Variants in ASAP2 observed in about 807,000 individuals in gnomAD.
ASAP2 encodes arf-GAP with SH3 domain, ANK repeat and PH domain-containing protein 2.
A neutral mutation model predicts 131.4 loss-of-function variants in ASAP2; 45 were observed. The ratio of observed to expected loss-of-function variants is 0.34; its 90% CI spans 0.27 to 0.44. The LOEUF is 0.44. ASAP2 is among the 20% of genes least tolerant of loss of function. The pLI is 1.00. For missense variants in ASAP2, 1,011 were observed against 1,297.0 expected (o/e 0.78, Z 3.39); for synonymous variants, 510 against 503.0 (o/e 1.01, Z -0.19).
chr2:9,283,074 T>C (rs547837168), intron 2 of ASAP2, among the ~76,000 whole-genome samples: 62 of 113,908 alleles, frequency 5.4e-4, no homozygotes, highest in Admixed American at 2.2e-3. Context: ...AATAGATTCT[T>C]TTTTTTTTCC....
intron 22 of ASAP2, 130 bp downstream of exon 22, chr2:9,388,676 C>G: frequency 7.5e-7 from 1 of 1,325,976 alleles, no homozygotes; most frequent in Non-Finnish European, 1.0e-6. Context: ...TTTCTGTTTG[C>G]TTCCTAAAGG....
chr2:9,248,707 C>G (rs1664503865), intron 1 of ASAP2, among the ~76,000 whole-genome samples: 1 of 152,122 alleles, frequency 6.6e-6, no homozygotes, highest in Non-Finnish European at 1.5e-5. Flanking sequence ...AACTTTCACT[C>G]CTATCTACCA....
At chr2:9,219,286 A>G (rs145166855) in intron 1 of ASAP2, among the ~76,000 whole-genome samples, 125 of 152,234 alleles carry the variant, frequency 8.2e-4, no homozygotes, top group Admixed American at 5.8e-3. Context: ...TGATTTTCAC[A>G]TTTGCCCTGT....
At chr2:9,352,212 AACACACACACACAC>A (rs58275721) in intron 12 of ASAP2, among the ~76,000 whole-genome samples, 43,265 of 149,610 alleles carry the variant, frequency 0.29, 6,445 homozygotes, top group Middle Eastern at 0.34. Flanking sequence ...AACACACACA[AACACACACACACAC>A]ACACACACAC....
intron 2 of ASAP2, among the ~76,000 whole-genome samples, chr2:9,284,476 T>G (rs1020703382): frequency 2.0e-5 from 3 of 152,310 alleles, no homozygotes; most frequent in South Asian, 2.1e-4. Flanking sequence ...CCAAGAACCC[T>G]TGATTAAAAG....
chr2:9,382,223 A>G (rs917702504), intron 20 of ASAP2, among the ~76,000 whole-genome samples: 7 of 152,022 alleles, frequency 4.6e-5, no homozygotes, highest in African/African-American at 7.2e-5. Context: ...ACCTCAAGCA[A>G]TCCACCCGCC....
chr2:9,373,910 C>T (rs967339048), intron 16 of ASAP2, among the ~76,000 whole-genome samples: 1 of 152,224 alleles, frequency 6.6e-6, no homozygotes, highest in Non-Finnish European at 1.5e-5. Flanking sequence ...CTTGTAAGTT[C>T]ACTGGGTCTT....
At chr2:9,283,598 A>T (rs1667271675) in intron 2 of ASAP2, among the ~76,000 whole-genome samples, 1 of 152,138 alleles carries the variant, frequency 6.6e-6, no homozygotes, top group South Asian at 2.1e-4. Context: ...TGTCTTTCTC[A>T]CACTGCATTG....
At chr2:9,352,849 G>T (rs972788795) in intron 12 of ASAP2, among the ~76,000 whole-genome samples, 1 of 152,208 alleles carries the variant, frequency 6.6e-6, no homozygotes, top group African/African-American at 2.4e-5. Context: ...CCAGTTGGGG[G>T]CAGTGTCGTG....
intron 2 of ASAP2, among the ~76,000 whole-genome samples, chr2:9,292,160 A>G (rs1405922326): frequency 1.3e-5 from 2 of 152,152 alleles, no homozygotes; most frequent in Non-Finnish European, 2.9e-5. Context: ...TGAGTATAGC[A>G]GCCCTGAGGA....
intron 19 of ASAP2, among the ~76,000 whole-genome samples, chr2:9,379,492 C>T (rs1300161876): frequency 6.6e-6 from 1 of 152,136 alleles, no homozygotes; most frequent in Non-Finnish European, 1.5e-5. Flanking sequence ...TCATTTGCAC[C>T]ACTGCTTCCT....
chr2:9,254,254 T>C (rs189225827), intron 1 of ASAP2, among the ~76,000 whole-genome samples: 3,662 of 65,464 alleles, frequency 0.056, 416 homozygotes, highest in African/African-American at 0.1. Flanking sequence ...TATATATATA[T>C]ACACGTGTGT....
chr2:9,262,340 T>G (rs1161336424), intron 1 of ASAP2, among the ~76,000 whole-genome samples: 1 of 152,218 alleles, frequency 6.6e-6, no homozygotes, highest in East Asian at 1.9e-4. Context: ...ACGGCCACTT[T>G]AATTGGCGTA....
chr2:9,217,830 G>A lies in ASAP2; in HGVS notation c.126+10600G>A, dbSNP rs190931369. On this transcript the variant is annotated intron_variant, in intron 1 of 27. Transcript: ENST00000281419. This position sits in a 1 kb window ranked among gnomAD's most constrained non-coding sequence, Gnocchi z 4.0. ...GGGGTTTCACTGTGTTAGCCAGGATGGTCTTGATCTCCTGACCTCGTGAGG... is the reference window on the plus strand; with the variant it reads ...GGGGTTTCACTGTGTTAGCCAGGATAGTCTTGATCTCCTGACCTCGTGAGG... Among the ~76,000 whole-genome samples, 905 of 151,662 alleles carry A rather than the reference G, an allele frequency of 6.0e-3. 8 individuals carry two copies. Among genetic ancestry groups the A allele is most frequent in the African/African-American group, 0.021 (862 of 41,372 alleles).
chr2:9,309,716 T>TTCCCA (rs1669170989), intron 3 of ASAP2, among the ~76,000 whole-genome samples: 1 of 152,214 alleles, frequency 6.6e-6, no homozygotes, highest in African/African-American at 2.4e-5. Context: ...TAGAACTGTT[T>TTCCCA]GCGTTGATGG....
chr2:9,299,163 C>T (rs188076727), intron 3 of ASAP2, among the ~76,000 whole-genome samples: 4 of 152,204 alleles, frequency 2.6e-5, no homozygotes, highest in East Asian at 3.9e-4. Context: ...AAAAATGGAA[C>T]GGAAGAGTCT....
chr2:9,331,253 G>A (rs936580802), intron 7 of ASAP2, among the ~76,000 whole-genome samples: 1 of 152,212 alleles, frequency 6.6e-6, no homozygotes, highest in Admixed American at 6.5e-5. Flanking sequence ...TTGGAACTAC[G>A]TAGATATGCG....
Position 9,268,794 on chromosome 2 carries a change from G to C in ASAP2, c.127-10523G>C, listed in dbSNP as rs931880687. ...GGAACGAGGGGAGAGGAGATAGGACGGGAGAGCGGAGCATGCTAGGGCTGC... is the reference window on the plus strand; with the variant it reads ...GGAACGAGGGGAGAGGAGATAGGACCGGAGAGCGGAGCATGCTAGGGCTGC... On this transcript the variant is annotated intron_variant, in intron 1 of 27. Coordinates refer to ENST00000281419, the MANE Select transcript of ASAP2 (RefSeq NM_003887.3). This position sits in a 1 kb window ranked among gnomAD's most constrained non-coding sequence, Gnocchi z 4.1. Among the ~76,000 whole-genome samples, 1 of 152,212 alleles carries C rather than the reference G, an allele frequency of 6.6e-6. No individual in the cohort carries two copies. The highest frequency in any genetic ancestry group is 1.9e-4 in the East Asian group (1 of 5,196).
At position 9,279,406 on chromosome 2, in the gene ASAP2, C is replaced by A. The variant is rs914614006; in HGVS notation, c.199+17C>A. On this transcript the variant is annotated intron_variant, in intron 2 of 27. Coordinates refer to ENST00000281419, the MANE Select transcript of ASAP2 (RefSeq NM_003887.3). ...CTGGGCTGGGTGAGTATACATCCTT[C>A]CCTAGAGGTTTCTGTGTGGAAAATG... is the stretch of plus-strand genomic sequence containing the variant. 6.2e-7 allele frequency: 1 copy of A among 1,609,618 alleles called. No individual in the cohort carries two copies.
Sources: gnomAD v4.1 joint callset for allele counts (sites outside exome capture counted in the v4.1 genomes callset) on GRCh38, gnomAD v4.1.1 for gene constraint, Gnocchi (gnomAD v3.1) non-coding constraint, MANE v1.5 for transcripts, NCBI Gene and HGNC (gene_info 2026-07-23, HGNC 2026-07-21) for gene names.